Variants in TTLL11 observed in about 807,000 individuals in gnomAD.
TTLL11 encodes tubulin tyrosine ligase like 11.
TTLL11 carries 42 observed loss-of-function variants against 51.7 expected under a neutral mutation model. That is an observed-to-expected ratio of 0.81 (90% CI 0.64 to 1.05). The LOEUF (loss-of-function observed/expected upper bound fraction) is 1.05, where lower values mean the gene tolerates loss of function less well. Ranked by LOEUF, TTLL11 falls within the 50% of genes least tolerant of loss-of-function variation. TTLL11 has a pLI of 0.00. For missense variants in TTLL11, 799 were observed against 940.4 expected, an observed-to-expected ratio of 0.85 and a Z score of 1.97; for synonymous variants, 381 against 383.5, an observed-to-expected ratio of 0.99 and a Z score of 0.08.
At chr9:121,862,976 C>A (rs1295638356) in intron 7 of TTLL11, among the ~76,000 whole-genome samples, 1 of 152,210 alleles carries the variant, frequency 6.6e-6, no homozygotes, top group Non-Finnish European at 1.5e-5. Context: ...GGCATGTGCC[C>A]CGCATGGTGC....
intron 7 of TTLL11, among the ~76,000 whole-genome samples, chr9:121,867,771 G>A (rs991832934): frequency 6.6e-6 from 1 of 152,006 alleles, no homozygotes; most frequent in Non-Finnish European, 1.5e-5. Flanking sequence ...CCCTGCTGGG[G>A]AGTCCATGAG....
chr9:121,835,038 C>T (rs1837146490), intron 8 of TTLL11, among the ~76,000 whole-genome samples: 1 of 152,122 alleles, frequency 6.6e-6, no homozygotes. Context: ...TGGTCTCTAC[C>T]CCTGTGCACT....
intron 6 of TTLL11, among the ~76,000 whole-genome samples, chr9:121,880,446 A>T (rs896967161): frequency 2.0e-5 from 3 of 152,206 alleles, no homozygotes; most frequent in African/African-American, 7.2e-5. Context: ...CGGCTTTTGG[A>T]GATAGAATCA....
Position 121,989,890 on chromosome 9 carries a change from G to A in TTLL11, c.694-120C>T. The A allele has an allele frequency of 6.7e-7, 1 of 1,495,510 alleles. No homozygotes were observed. The highest frequency in any genetic ancestry group is 8.8e-7 in the Non-Finnish European group (1 of 1,132,128). 92.6% of individuals were successfully genotyped at this position (1,495,510 alleles called of 1,614,324 possible). A position where few individuals can be genotyped will look rare whatever the true frequency, so the allele number is the denominator to read the frequency against. On this transcript the variant is annotated intron_variant, in intron 3 of 8. Transcript: ENST00000321582. This position sits in a 1 kb window ranked among gnomAD's most constrained non-coding sequence, Gnocchi z 4.2. ...GACAAGATGATCCCTGCCGATCTGA[G>A]CAGGGGCTGAGCATCTTCCATGGAG...
At chr9:121,947,131 G>A (rs1365118281) in intron 6 of TTLL11, among the ~76,000 whole-genome samples, 1 of 152,138 alleles carries the variant, frequency 6.6e-6, no homozygotes, top group Non-Finnish European at 1.5e-5. Flanking sequence ...ACAGTGCTAC[G>A]CTGCTTCCTT....
chr9:121,895,545 T>C (rs1839442706), intron 6 of TTLL11, among the ~76,000 whole-genome samples: 1 of 150,608 alleles, frequency 6.6e-6, no homozygotes, highest in African/African-American at 2.4e-5. Flanking sequence ...GTGTGTTTCG[T>C]TGTACATATG....
chr9:121,901,931 C>CA (rs1839791361), intron 6 of TTLL11, among the ~76,000 whole-genome samples: 1 of 152,254 alleles, frequency 6.6e-6, no homozygotes, highest in Non-Finnish European at 1.5e-5. Context: ...CCTGCCAGCA[C>CA]ATTCCTACAT....
intron 7 of TTLL11, among the ~76,000 whole-genome samples, chr9:121,869,174 C>T (rs1838268769): frequency 6.6e-6 from 1 of 152,148 alleles, no homozygotes; most frequent in South Asian, 2.1e-4. Flanking sequence ...TTCTCAAAGT[C>T]ACCATGCAAA....
At chr9:122,030,113 A>G (rs1051853128) in intron 3 of TTLL11, among the ~76,000 whole-genome samples, 1 of 146,102 alleles carries the variant, frequency 6.8e-6, no homozygotes, top group Non-Finnish European at 1.5e-5. Flanking sequence ...CCGTCAAGTG[A>G]CTCATGACTG....
intron 6 of TTLL11, among the ~76,000 whole-genome samples, chr9:121,960,200 G>A (rs1386227955): frequency 2.6e-5 from 4 of 151,978 alleles, no homozygotes; most frequent in Non-Finnish European, 5.9e-5. Context: ...ATTTTATTTC[G>A]TTGAACTGTA....
chr9:121,908,624 C>G (rs1031887844), intron 6 of TTLL11, among the ~76,000 whole-genome samples: 23 of 152,224 alleles, frequency 1.5e-4, no homozygotes, highest in Admixed American at 1.4e-3. Context: ...CTACTCATCT[C>G]TTCATTTGTT....
At chr9:122,060,361 C>A (rs899452885) in intron 1 of TTLL11, among the ~76,000 whole-genome samples, 1 of 152,174 alleles carries the variant, frequency 6.6e-6, no homozygotes, top group African/African-American at 2.4e-5. Flanking sequence ...ATGAGCCTTA[C>A]CATCCAGAAA....
intron 6 of TTLL11, among the ~76,000 whole-genome samples, chr9:121,907,709 A>G (rs566564129): frequency 1.3e-5 from 2 of 152,310 alleles, no homozygotes; most frequent in South Asian, 4.1e-4. Flanking sequence ...TCCAAGGGCA[A>G]GTAAGGCCTT....
At chr9:121,990,421 G>A (rs926725752) in intron 3 of TTLL11, among the ~76,000 whole-genome samples, 4 of 152,182 alleles carry the variant, frequency 2.6e-5, no homozygotes, top group African/African-American at 9.7e-5. Context: ...TAGAACCTGA[G>A]AAATAAAAGA....
chr9:121,845,839 G>A (rs1394154454), intron 8 of TTLL11, among the ~76,000 whole-genome samples: 8 of 152,088 alleles, frequency 5.3e-5, no homozygotes, highest in African/African-American at 1.9e-4. Context: ...AGAAAAGGCA[G>A]AAAAGAGAAG....
At chr9:121,877,194 A>T (rs1386919895) in intron 6 of TTLL11, among the ~76,000 whole-genome samples, 2 of 152,222 alleles carry the variant, frequency 1.3e-5, no homozygotes, top group African/African-American at 4.8e-5. Context: ...CCAAACGCAC[A>T]TGTATCGTGT....
chr9:121,896,254 T>C (rs1193476810), intron 6 of TTLL11, among the ~76,000 whole-genome samples: 1 of 152,146 alleles, frequency 6.6e-6, no homozygotes, highest in Non-Finnish European at 1.5e-5. Flanking sequence ...CAGATTAATC[T>C]AGAAAGAATA....
rs934246807 is a variant in TTLL11, at chr9:121,912,383, C to G, written c.1482-41635G>C. 5.0e-4 allele frequency among the ~76,000 whole-genome samples: 76 copies of G among 151,908 alleles called. No individual in the cohort carries two copies. The East Asian group carries it at 0.014, about 27-fold the overall frequency. ...GAGATCTTCCACCCTTACCTTCCCC[C>G]CCGCCCCCGTCCAGCAATACCACGC... On this transcript the variant is annotated intron_variant, in intron 6 of 8. Transcript: ENST00000321582.
intron 1 of TTLL11, among the ~76,000 whole-genome samples, chr9:122,080,282 T>C (rs1845969285): frequency 1.3e-5 from 2 of 152,210 alleles, no homozygotes; most frequent in Admixed American, 6.5e-5. Context: ...TGAGCATAAA[T>C]TGCTAAAACT....
Sources: allele counts gnomAD v4.1 joint callset (sites outside exome capture counted in the v4.1 genomes callset), GRCh38; gene constraint gnomAD v4.1.1; non-coding constraint Gnocchi (gnomAD v3.1); transcripts MANE v1.5; gene names NCBI Gene and HGNC (gene_info 2026-07-23, HGNC 2026-07-21).